Variants in ERI3 observed in about 807,000 individuals in gnomAD.
ERI3 encodes the protein ERI1 exoribonuclease 3.
A neutral mutation model predicts 44.4 loss-of-function variants in ERI3; 18 were observed. The ratio of observed to expected loss-of-function variants is 0.41; its 90% CI spans 0.28 to 0.60. The LOEUF (loss-of-function observed/expected upper bound fraction) is 0.60, where lower values mean the gene tolerates loss of function less well. ERI3 is among the 20% of genes least tolerant of loss of function. The pLI, the probability that ERI3 is intolerant of heterozygous loss-of-function variation, is 0.36. For missense variants in ERI3, 294 were observed against 435.5 expected, an observed-to-expected ratio of 0.68 and a Z score of 2.89; for synonymous variants, 183 against 164.8, an observed-to-expected ratio of 1.11 and a Z score of -0.84.
intron 6 of ERI3, among the ~76,000 whole-genome samples, chr1:44,291,788 C>T (rs1645512272): frequency 6.6e-6 from 1 of 152,214 alleles, no homozygotes. Flanking sequence ...GGCAAAACAG[C>T]AAGGAGGAGA....
chr1:44,252,576 G>A lies in ERI3; in HGVS notation c.832-4538C>T, dbSNP rs1644704253. 6.6e-6 allele frequency among the ~76,000 whole-genome samples: 1 copy of A among 152,240 alleles called. No homozygotes were observed. On this transcript the variant is annotated intron_variant, in intron 7 of 8. Coordinates refer to ENST00000372257, the MANE Select transcript of ERI3 (RefSeq NM_024066.3). The surrounding 1 kb of genome is among the most constrained non-coding windows in gnomAD (Gnocchi z 4.7). ...TGCTGGGCCCGCGAAATGGAATCGT[G>A]TATAATCAGCCTCCTCCATGCACTG...
At chr1:44,335,302 G>C (rs899555731) in intron 3 of ERI3, among the ~76,000 whole-genome samples, 5 of 151,532 alleles carry the variant, frequency 3.3e-5, no homozygotes, top group Admixed American at 1.3e-4. Context: ...GCTGCACTGA[G>C]CTGTGATCAC....
At chr1:44,278,029 ATATAT>A (rs1311837795) in intron 7 of ERI3, among the ~76,000 whole-genome samples, 1 of 152,192 alleles carries the variant, frequency 6.6e-6, no homozygotes, top group African/African-American at 2.4e-5. Flanking sequence ...TATTTTAATA[ATATAT>A]TTTATTTTAG....
intron 7 of ERI3, among the ~76,000 whole-genome samples, chr1:44,281,575 G>A (rs1232902683): frequency 3.8e-5 from 5 of 130,618 alleles, no homozygotes; most frequent in African/African-American, 1.5e-4. Context: ...GTGACAGAGT[G>A]AGACCCCGTC....
At chr1:44,314,779 C>G (rs529278800) in intron 4 of ERI3, among the ~76,000 whole-genome samples, 1 of 152,270 alleles carries the variant, frequency 6.6e-6, no homozygotes, top group South Asian at 2.1e-4. Flanking sequence ...CGGGCTGGGC[C>G]GCATTACAGG....
intron 8 of ERI3, chr1:44,230,219 A>C (rs1271408210): frequency 6.6e-6 from 1 of 152,216 alleles, no homozygotes; most frequent in East Asian, 1.9e-4. Context: ...ACGCCGTAGT[A>C]ACAGGGCGGC....
At chr1:44,306,876 C>G (rs1445639553) in intron 6 of ERI3, among the ~76,000 whole-genome samples, 3 of 152,212 alleles carry the variant, frequency 2.0e-5, no homozygotes, top group African/African-American at 7.2e-5. Flanking sequence ...TGGGTATCAG[C>G]CTGAAACTGG....
chr1:44,346,733 T>C (rs1646791063), intron 2 of ERI3, among the ~76,000 whole-genome samples: 1 of 152,184 alleles, frequency 6.6e-6, no homozygotes, highest in African/African-American at 2.4e-5. Flanking sequence ...TATAATCTAG[T>C]GTTAAAACAC....
intron 7 of ERI3, among the ~76,000 whole-genome samples, chr1:44,260,547 G>A (rs1475861379): frequency 6.6e-6 from 1 of 152,210 alleles, no homozygotes; most frequent in Non-Finnish European, 1.5e-5. Context: ...GAGGCCCATT[G>A]TATAGTCTCT....
chr1:44,343,362 C>G (rs1461379667), intron 2 of ERI3, among the ~76,000 whole-genome samples: 1 of 152,080 alleles, frequency 6.6e-6, no homozygotes, highest in Non-Finnish European at 1.5e-5. Flanking sequence ...GATGGAGAAG[C>G]CTGGCAGACA....
At chr1:44,260,327 G>A (rs1644868838) in intron 7 of ERI3, among the ~76,000 whole-genome samples, 1 of 152,230 alleles carries the variant, frequency 6.6e-6, no homozygotes, top group Non-Finnish European at 1.5e-5. Context: ...TTCTGATCCT[G>A]CCTCACTGCA....
At chr1:44,304,697 C>T (rs1364868106) in intron 6 of ERI3, among the ~76,000 whole-genome samples, 6 of 152,134 alleles carry the variant, frequency 3.9e-5, no homozygotes, top group Admixed American at 3.3e-4. Context: ...ACAGCAGCCT[C>T]GAAGAAACCT....
chr1:44,253,474 G>T lies in ERI3; in HGVS notation c.832-5436C>A, dbSNP rs182795080. On this transcript the variant is annotated intron_variant, in intron 7 of 8. Coordinates refer to ENST00000372257, the MANE Select transcript of ERI3 (RefSeq NM_024066.3). ...TACAGTTCCCTCTCCCTTTCCCAGG[G>T]AACCCTTTTCCAGGTTCAGCCTAAT... Among the ~76,000 whole-genome samples, 219 of 152,212 alleles carry T rather than the reference G, an allele frequency of 1.4e-3. 1 individual carries two copies. The highest frequency in any genetic ancestry group is 5.0e-3 in the African/African-American group (209 of 41,508).
At chr1:44,222,007 C>T (rs913770106) in intron 8 of ERI3, among the ~76,000 whole-genome samples, 3 of 152,346 alleles carry the variant, frequency 2.0e-5, no homozygotes, top group South Asian at 4.1e-4. Flanking sequence ...GTTGCTGCCG[C>T]GTGGGGACGG....
intron 2 of ERI3, among the ~76,000 whole-genome samples, chr1:44,339,831 A>G (rs555124427): frequency 1.4e-4 from 21 of 152,262 alleles, no homozygotes; most frequent in Non-Finnish European, 2.9e-4. Flanking sequence ...TCCAGTCTGT[A>G]TCTTGATGTC....
intron 7 of ERI3, among the ~76,000 whole-genome samples, chr1:44,270,444 G>A (rs1645067735): frequency 6.6e-6 from 1 of 152,162 alleles, no homozygotes; most frequent in Non-Finnish European, 1.5e-5. Context: ...CATGGGCTCT[G>A]AGCTGCACTG....
At chr1:44,303,558 C>T (rs1312207557) in intron 6 of ERI3, among the ~76,000 whole-genome samples, 1 of 152,090 alleles carries the variant, frequency 6.6e-6, no homozygotes, top group Non-Finnish European at 1.5e-5. Context: ...AGTCACAGCA[C>T]CATTTTATGT....
rs568462660 is a variant in ERI3, at chr1:44,345,465, T to G, written c.212-6143A>C. Among the ~76,000 whole-genome samples the G allele has an allele frequency of 1.7e-3, 255 of 152,378 alleles. 1 individual carries two copies. The highest frequency in any genetic ancestry group is 5.9e-3 in the African/African-American group (245 of 41,592). On this transcript the variant is annotated intron_variant, in intron 2 of 8. Transcript: ENST00000372257. ...ACTCCAAGTTACCTGCAACAGGTTC[T>G]GAGTCCAGCTGACTGAAAGCACCTA...
intron 7 of ERI3, among the ~76,000 whole-genome samples, chr1:44,279,994 C>T (rs1347160086): frequency 6.6e-6 from 1 of 151,750 alleles, no homozygotes; most frequent in African/African-American, 2.4e-5. Context: ...ATGCACACAT[C>T]TTAAACATCT....
Sources: allele counts gnomAD v4.1 joint callset (sites outside exome capture counted in the v4.1 genomes callset), GRCh38; gene constraint gnomAD v4.1.1; non-coding constraint Gnocchi (gnomAD v3.1); transcripts MANE v1.5; gene names NCBI Gene and HGNC (gene_info 2026-07-23, HGNC 2026-07-21).